Variants in RFX4 observed in about 807,000 individuals in gnomAD.
RFX4 encodes the protein transcription factor RFX4.
Under a neutral mutation model 95.0 loss-of-function variants are expected in RFX4, and 10 were observed. That is an observed-to-expected ratio of 0.11 (90% CI 0.06 to 0.18). The LOEUF is 0.18. Among genes scored for constraint, RFX4 ranks in the 10% least tolerant of loss-of-function variants. RFX4 has a pLI of 1.00. For missense variants in RFX4, 640 were observed against 922.0 expected, an observed-to-expected ratio of 0.69 and a Z score of 3.96; for synonymous variants, 321 against 340.7, an observed-to-expected ratio of 0.94 and a Z score of 0.64.
chr12:106,730,944 G>A (rs1407793450), intron 13 of RFX4, among the ~76,000 whole-genome samples: 1 of 152,140 alleles, frequency 6.6e-6, no homozygotes, highest in Non-Finnish European at 1.5e-5. Flanking sequence ...AGGCTGCAGT[G>A]AGTCAAGACA....
intron 2 of RFX4, among the ~76,000 whole-genome samples, chr12:106,635,920 G>A (rs1313541144): frequency 6.6e-6 from 1 of 152,158 alleles, no homozygotes; most frequent in East Asian, 1.9e-4. Flanking sequence ...GTTGAGTATT[G>A]TTCTATGTGT....
intron 4 of RFX4, among the ~76,000 whole-genome samples, chr12:106,658,471 T>C (rs1206406748): frequency 6.6e-6 from 1 of 152,172 alleles, no homozygotes; most frequent in East Asian, 1.9e-4. Flanking sequence ...TTAAAAAGTG[T>C]AGTTCAGTCC....
At chr12:106,642,019 C>CTATATCTATATCTA (rs535427954) in intron 3 of RFX4, among the ~76,000 whole-genome samples, 17 of 147,498 alleles carry the variant, frequency 1.2e-4, no homozygotes, top group African/African-American at 4.1e-4. Flanking sequence ...ATATCTATAT[C>CTATATCTATATCTA]TATTTTTTGA....
intron 4 of RFX4, among the ~76,000 whole-genome samples, chr12:106,672,787 C>G (rs1323100316): frequency 6.8e-6 from 1 of 146,720 alleles, no homozygotes; most frequent in African/African-American, 2.5e-5. Context: ...AAAAGCCAAA[C>G]CCCCTTCCCA....
intron 6 of RFX4, 125 bp downstream of exon 6, chr12:106,687,222 ACAC>A: frequency 7.2e-6 from 5 of 698,258 alleles, no homozygotes; most frequent in Non-Finnish European, 1.1e-5. Context: ...ACACACACAC[ACAC>A]ATTTATTGCA....
intron 11 of RFX4, among the ~76,000 whole-genome samples, chr12:106,716,318 C>T (rs1324556229): frequency 2.0e-5 from 3 of 152,012 alleles, no homozygotes; most frequent in African/African-American, 7.2e-5. Flanking sequence ...CCCATGTTCT[C>T]AATGGGGTGA....
At chr12:106,632,444 C>T (rs749446028) in intron 2 of RFX4, among the ~76,000 whole-genome samples, 16 of 152,240 alleles carry the variant, frequency 1.1e-4, no homozygotes, top group Admixed American at 3.9e-4. Context: ...CCAGTGAAAA[C>T]GAAAAGGCAT....
chr12:106,653,961 C>T (rs1269891177), intron 3 of RFX4, among the ~76,000 whole-genome samples: 1 of 152,114 alleles, frequency 6.6e-6, no homozygotes, highest in African/African-American at 2.4e-5. Context: ...AGGTCAATGA[C>T]AGTACAGAGT....
At chr12:106,736,375 G>A (rs1432853196) in intron 15 of RFX4, among the ~76,000 whole-genome samples, 1 of 152,184 alleles carries the variant, frequency 6.6e-6, no homozygotes, top group African/African-American at 2.4e-5. Flanking sequence ...CAGACCCAAT[G>A]AATCAGAAAC....
intron 4 of RFX4, among the ~76,000 whole-genome samples, chr12:106,660,901 C>G (rs1292274557): frequency 2.0e-5 from 3 of 152,190 alleles, no homozygotes; most frequent in Non-Finnish European, 4.4e-5. Context: ...TGAGGTGGAA[C>G]AGTTTCATCC....
chr12:106,671,784 C>T (rs1055251829), intron 4 of RFX4, among the ~76,000 whole-genome samples: 5 of 152,206 alleles, frequency 3.3e-5, no homozygotes, highest in Non-Finnish European at 5.9e-5. Flanking sequence ...GCCTCAGCCT[C>T]CTGAGTAGCT....
At chr12:106,615,475 A>G (rs933618012) in intron 2 of RFX4, among the ~76,000 whole-genome samples, 4 of 152,168 alleles carry the variant, frequency 2.6e-5, no homozygotes, top group East Asian at 1.9e-4. Context: ...TAACAATTCC[A>G]TATTGATTTT....
Position 106,750,723 on chromosome 12 carries a change from C to G in RFX4, c.1865C>G (p.Pro622Arg), listed in dbSNP as rs144189511. 4.7e-5 allele frequency: 76 copies of G among 1,611,946 alleles called. No homozygotes were observed. The highest frequency in any genetic ancestry group is 4.3e-5 in the Non-Finnish European group (51 of 1,179,274). The change falls in exon 17 of 18, where the codon CCG becomes CGG. Residue 622 changes from proline to arginine, a missense_variant. Physicochemically the swap from Pro to Arg is moderately radical, Grantham distance 103. Transcript: ENST00000392842. ...QHPHPMQSQY[P>R]ALPHDTAISG... The stretch of plus-strand genomic sequence containing the variant: ...CCTCACCCCATGCAGAGCCAGTATC[C>G]GGCCCTCCCTCATGACACAGCTATC...
intron 8 of RFX4, among the ~76,000 whole-genome samples, chr12:106,699,484 T>C (rs181434544): frequency 6.6e-6 from 1 of 152,298 alleles, no homozygotes; most frequent in East Asian, 1.9e-4. Context: ...GTTCTATTGA[T>C]TAGCAATAGA....
chr12:106,596,957 C>T (rs1412362856), intron 1 of RFX4, among the ~76,000 whole-genome samples: 1 of 152,210 alleles, frequency 6.6e-6, no homozygotes, highest in Non-Finnish European at 1.5e-5. Flanking sequence ...CCCAAGGGCC[C>T]CTGCAAACTT....
At chr12:106,607,876 A>G (rs892757032) in intron 1 of RFX4, among the ~76,000 whole-genome samples, 1 of 152,112 alleles carries the variant, frequency 6.6e-6, no homozygotes, top group Admixed American at 6.5e-5. Flanking sequence ...AAAAAAAACA[A>G]ACCATAGTCT....
At chr12:106,675,056 C>T (rs1251223509) in intron 4 of RFX4, among the ~76,000 whole-genome samples, 5 of 152,154 alleles carry the variant, frequency 3.3e-5, no homozygotes, top group Admixed American at 2.6e-4. Context: ...TCAAAGAATA[C>T]AAACTTTCAA....
chr12:106,631,658 A>T (rs1263789945), intron 2 of RFX4, among the ~76,000 whole-genome samples: 11 of 152,226 alleles, frequency 7.2e-5, no homozygotes, highest in Non-Finnish European at 1.5e-4. Flanking sequence ...CTCACCAGAC[A>T]CCAAATCACT....
intron 1 of RFX4, among the ~76,000 whole-genome samples, chr12:106,584,510 C>T (rs2039422678): frequency 6.6e-6 from 1 of 152,184 alleles, no homozygotes; most frequent in Admixed American, 6.5e-5. Flanking sequence ...GCAACAAGTG[C>T]CTTCCAGCCC....
Sources: allele counts gnomAD v4.1 joint callset (sites outside exome capture counted in the v4.1 genomes callset), GRCh38; gene constraint gnomAD v4.1.1; transcripts MANE v1.5; gene names NCBI Gene and HGNC (gene_info 2026-07-23, HGNC 2026-07-21).